EXOC6: variants seen among roughly 807,000 people sequenced by gnomAD.
The protein encoded by EXOC6 is exocyst complex component 6.
EXOC6 carries 60 observed loss-of-function variants against 112.5 expected under a neutral mutation model. The ratio of observed to expected loss-of-function variants is 0.53; its 90% CI spans 0.43 to 0.66. EXOC6 has a LOEUF of 0.66. Among genes scored for constraint, EXOC6 ranks in the 30% least tolerant of loss-of-function variants. The pLI, the probability that EXOC6 is intolerant of heterozygous loss-of-function variation, is 0.00. For missense variants in EXOC6, 855 were observed against 957.1 expected (o/e 0.89, Z 1.41); for synonymous variants, 295 against 308.0 (o/e 0.96, Z 0.44).
rs377199979 is a variant in EXOC6 at position 92,834,861 on chromosome 10, C to T, written c.86+37C>T. On this transcript the variant is annotated intron_variant, in intron 1 of 21. Transcript: ENST00000371552. ...TTGCATTTTATTGTGTCTTCTTTAGCGGTGATAAGGTGGTCCTTTACCCTG... is the reference window on the plus strand; with the variant it reads ...TTGCATTTTATTGTGTCTTCTTTAGTGGTGATAAGGTGGTCCTTTACCCTG... 600 of 1,326,304 alleles carry T rather than the reference C, an allele frequency of 4.5e-4. 2 individuals carry two copies. Among genetic ancestry groups the T allele is most frequent in the Non-Finnish European group, 5.9e-4 (550 of 928,732 alleles). The allele number at this position is 1,326,304 out of a possible 1,614,324, so 82.2% of individuals were successfully genotyped here.
chr10:92,904,341 G>A (rs372811576), intron 5 of EXOC6, among the ~76,000 whole-genome samples: 9 of 152,152 alleles, frequency 5.9e-5, no homozygotes, highest in African/African-American at 2.2e-4. Flanking sequence ...TGGATCATAT[G>A]GTAAGACTAT....
At chr10:92,947,542 C>A (rs1480958525) in intron 13 of EXOC6, among the ~76,000 whole-genome samples, 1 of 152,180 alleles carries the variant, frequency 6.6e-6, no homozygotes, top group South Asian at 2.1e-4. Context: ...TTGTTTTGAT[C>A]TTCAAGAGTT....
chr10:92,917,672 A>T (rs755861939), intron 7 of EXOC6, among the ~76,000 whole-genome samples: 2 of 152,002 alleles, frequency 1.3e-5, no homozygotes, highest in South Asian at 4.2e-4. Context: ...CTAAAAGCAC[A>T]CTATCACCAT....
chr10:92,904,159 A>G (rs2133854473), intron 5 of EXOC6, among the ~76,000 whole-genome samples: 1 of 152,174 alleles, frequency 6.6e-6, no homozygotes, highest in East Asian at 1.9e-4. Flanking sequence ...TTTATCACTG[A>G]ATAATACTAC....
chr10:92,998,390 G>A (rs1276466443), intron 19 of EXOC6, among the ~76,000 whole-genome samples: 1 of 152,126 alleles, frequency 6.6e-6, no homozygotes, highest in Non-Finnish European at 1.5e-5. Context: ...TGGGGCACAA[G>A]AAGGATTATA....
intron 4 of EXOC6, among the ~76,000 whole-genome samples, chr10:92,896,167 ATATATATATATATATTTTTTTTTTTTT>A (rs1849787182): frequency 4.3e-5 from 1 of 23,466 alleles, no homozygotes; most frequent in African/African-American, 2.1e-4. Context: ...ATATATATAT[ATATATATATATATATTTTTTTTTTTTT>A]TTTTTTTTTT....
At chr10:92,833,987 C>G (rs1164649358), upstream of EXOC6, among the ~76,000 whole-genome samples, 2 of 152,030 alleles carry the variant, frequency 1.3e-5, no homozygotes, top group Non-Finnish European at 2.9e-5. Flanking sequence ...CCATCAAAAC[C>G]TATTCTGCAG....
Position 92,894,852 on chromosome 10 carries a change from G to A in EXOC6, c.321+11G>A. On this transcript the variant is annotated intron_variant, in intron 3 of 21. Transcript: ENST00000260762. ...GATGCTGGAAAAGAGGTGAGAAAAT[G>A]ATACTTTTCTGGGTATTCAGTATGT... The A allele has an allele frequency of 6.2e-7, 1 of 1,612,586 alleles. No individual in the cohort carries two copies. The highest frequency in any genetic ancestry group is 8.5e-7 in the Non-Finnish European group (1 of 1,178,918).
At chr10:93,016,603 GA>G (rs1444073046) in intron 20 of EXOC6, among the ~76,000 whole-genome samples, 2 of 152,184 alleles carry the variant, frequency 1.3e-5, no homozygotes, top group Non-Finnish European at 2.9e-5. Flanking sequence ...TTCGATATAA[GA>G]AAATCATGTG....
upstream of EXOC6, among the ~76,000 whole-genome samples, chr10:92,833,812 G>A (rs753262026): frequency 6.6e-6 from 1 of 152,122 alleles, no homozygotes; most frequent in Non-Finnish European, 1.5e-5. Context: ...GAATGCAAGT[G>A]GTAATGGGAA....
intron 1 of EXOC6, among the ~76,000 whole-genome samples, chr10:92,851,793 G>A (rs141638302): frequency 1.3e-5 from 2 of 151,762 alleles, no homozygotes; most frequent in East Asian, 3.9e-4. Flanking sequence ...TGAATAGGCT[G>A]AGTGCAGTGG....
At chr10:92,896,929 T>C (rs1355203852) in intron 4 of EXOC6, among the ~76,000 whole-genome samples, 1 of 152,220 alleles carries the variant, frequency 6.6e-6, no homozygotes, top group Admixed American at 6.5e-5. Flanking sequence ...TAATCTCTGA[T>C]GGACCAGGTA....
intron 18 of EXOC6, among the ~76,000 whole-genome samples, chr10:92,979,631 G>C (rs535392225): frequency 1.3e-5 from 2 of 152,224 alleles, no homozygotes; most frequent in East Asian, 3.9e-4. Flanking sequence ...ATGAGTGAGA[G>C]AATTGATTAC....
At chr10:92,934,550 A>C (rs1406551438) in intron 11 of EXOC6, 120 bp downstream of exon 11, 9 of 820,190 alleles carry the variant, frequency 1.1e-5, no homozygotes, top group Non-Finnish European at 1.4e-5. Context: ...GTAGTTGCTT[A>C]GATTTGGAAG....
intron 20 of EXOC6, among the ~76,000 whole-genome samples, chr10:93,037,908 C>A (rs1003645977): frequency 6.6e-6 from 1 of 150,800 alleles, no homozygotes; most frequent in Non-Finnish European, 1.5e-5. Context: ...GGCGCGGTGG[C>A]GGGCGCCCGT....
chr10:92,894,766 C>G, intron 2 of EXOC6, 28 bp from the exon 3 acceptor site: 1 of 1,606,262 alleles, frequency 6.2e-7, no homozygotes, highest in Non-Finnish European at 8.5e-7. Flanking sequence ...GCATATTTGT[C>G]TAACTAAGGT....
chr10:92,912,504 T>C (rs1367825165), intron 6 of EXOC6, among the ~76,000 whole-genome samples: 2 of 152,090 alleles, frequency 1.3e-5, no homozygotes, highest in Non-Finnish European at 2.9e-5. Flanking sequence ...GGATTTAGGG[T>C]CATTTGATTA....
At chr10:92,849,443 A>G (rs561548648) in intron 1 of EXOC6, among the ~76,000 whole-genome samples, 3 of 152,352 alleles carry the variant, frequency 2.0e-5, no homozygotes, top group Admixed American at 1.3e-4. Context: ...CTGCTGTTCC[A>G]ATAGAATATT....
At chr10:92,867,294 G>A (rs1425481203) in intron 1 of EXOC6, among the ~76,000 whole-genome samples, 5 of 152,140 alleles carry the variant, frequency 3.3e-5, no homozygotes. Flanking sequence ...GGATCACCAA[G>A]TAAATGATCA....
Sources: allele counts gnomAD v4.1 joint callset (sites outside exome capture counted in the v4.1 genomes callset), GRCh38; gene constraint gnomAD v4.1.1; transcripts MANE v1.5; gene names NCBI Gene and HGNC (gene_info 2026-07-23, HGNC 2026-07-21).